ST3GAL3: variants seen among roughly 807,000 people sequenced by gnomAD.
ST3GAL3 encodes CMP-N-acetylneuraminate-beta-1,4-galactoside alpha-2,3-sialyltransferase.
A neutral mutation model predicts 50.1 loss-of-function variants in ST3GAL3; 21 were observed. The ratio of observed to expected loss-of-function variants is 0.42; its 90% CI spans 0.30 to 0.60. The LOEUF (loss-of-function observed/expected upper bound fraction) is 0.60. Among genes scored for constraint, ST3GAL3 ranks in the 20% least tolerant of loss-of-function variants. ST3GAL3 has a pLI of 0.19. For synonymous variants in ST3GAL3, 183 were observed against 190.0 expected, an observed-to-expected ratio of 0.96 and a Z score of 0.30; for missense variants, 353 against 489.4, an observed-to-expected ratio of 0.72 and a Z score of 2.63.
intron 9 of ST3GAL3, among the ~76,000 whole-genome samples, chr1:43,900,199 G>C (rs1440018387): frequency 6.6e-6 from 1 of 152,178 alleles, no homozygotes; most frequent in African/African-American, 2.4e-5. Context: ...CTCTTTCTCA[G>C]CCTGGGTTCT....
intron 9 of ST3GAL3, among the ~76,000 whole-genome samples, chr1:43,906,548 T>A (rs1354547098): frequency 7.0e-6 from 1 of 143,470 alleles, no homozygotes; most frequent in Non-Finnish European, 1.5e-5. Context: ...CTCTTCCTCC[T>A]GTTCCTCTTC....
At chr1:43,826,760 T>A (rs2062857112) in intron 4 of ST3GAL3, among the ~76,000 whole-genome samples, 1 of 152,220 alleles carries the variant, frequency 6.6e-6, no homozygotes, top group African/African-American at 2.4e-5. Context: ...CAAGTGGGAT[T>A]TATTCCAGGT....
intron 1 of ST3GAL3, among the ~76,000 whole-genome samples, chr1:43,720,234 G>C (rs546854071): frequency 2.0e-5 from 3 of 151,952 alleles, no homozygotes; most frequent in East Asian, 1.9e-4. Context: ...GTCTCTTAAA[G>C]AAAAAAAGAA....
chr1:43,723,875 G>A (rs1359815925), intron 1 of ST3GAL3, among the ~76,000 whole-genome samples: 1 of 152,086 alleles, frequency 6.6e-6, no homozygotes, highest in African/African-American at 2.4e-5. Context: ...GCCTCCCAAA[G>A]TGCTGGGATT....
chr1:43,761,215 G>C (rs879378516), intron 2 of ST3GAL3, among the ~76,000 whole-genome samples: 3 of 152,076 alleles, frequency 2.0e-5, no homozygotes, highest in Non-Finnish European at 4.4e-5. Flanking sequence ...GGGAATTCTT[G>C]TAAGATTTAA....
chr1:43,743,515 GT>G lies in ST3GAL3; in HGVS notation c.118+7136del, dbSNP rs1251006465. On this transcript the variant is annotated intron_variant, in intron 2 of 11. Transcript: ENST00000347631. ...GAAGGTGGTGGGGCAGATTGGTTCT[GT>G]GGTGCAGTTTAAGATTAAGAGGGAT... is the stretch of plus-strand genomic sequence containing the variant. 5 of 432,600 alleles carry G rather than the reference GT, an allele frequency of 1.2e-5. No homozygotes were observed. In the East Asian group the frequency reaches 3.7e-4, roughly 32 times the overall value. 26.8% of individuals were successfully genotyped at this position (432,600 alleles called of 1,614,324 possible). A position where few individuals can be genotyped will look rare whatever the true frequency, so the allele number is the denominator to read the frequency against.
chr1:43,871,098 A>G (rs1464570956), intron 5 of ST3GAL3, among the ~76,000 whole-genome samples: 8 of 152,174 alleles, frequency 5.3e-5, no homozygotes, highest in Non-Finnish European at 1.2e-4. Flanking sequence ...TGGGGCAGTG[A>G]CAGGACTCAG....
intron 5 of ST3GAL3, among the ~76,000 whole-genome samples, chr1:43,887,112 G>T (rs1010426533): frequency 2.6e-5 from 4 of 152,132 alleles, no homozygotes; most frequent in African/African-American, 9.7e-5. Flanking sequence ...AAAGAGAGTT[G>T]GAAAAGGATA....
At chr1:43,787,626 C>T (rs547556556) in intron 2 of ST3GAL3, among the ~76,000 whole-genome samples, 1 of 152,214 alleles carries the variant, frequency 6.6e-6, no homozygotes, top group Admixed American at 6.5e-5. Context: ...AAGAGCATTC[C>T]GCTACCATTG....
At chr1:43,913,250 A>T (rs1378270277) in intron 9 of ST3GAL3, 3 of 152,160 alleles carry the variant, frequency 2.0e-5, no homozygotes, top group Admixed American at 6.5e-5. Flanking sequence ...CCTCTGTGAC[A>T]CTCACTATAA....
intron 4 of ST3GAL3, chr1:43,824,945 G>C (rs761460436): frequency 8.4e-6 from 6 of 717,978 alleles, no homozygotes; most frequent in Non-Finnish European, 1.6e-5. Context: ...AAAAGATTCT[G>C]TTTCCTGTCT....
intron 3 of ST3GAL3, among the ~76,000 whole-genome samples, chr1:43,812,392 G>A (rs2060666152): frequency 6.6e-6 from 1 of 152,172 alleles, no homozygotes; most frequent in Non-Finnish European, 1.5e-5. Context: ...AGCCAAGGGC[G>A]AGCTGTCATT....
intron 4 of ST3GAL3, among the ~76,000 whole-genome samples, chr1:43,817,731 C>CA (rs2061541564): frequency 1.1e-5 from 1 of 92,622 alleles, no homozygotes; most frequent in Non-Finnish European, 2.4e-5. Context: ...TTCTCCTCCT[C>CA]CCCCTCCTCC....
intron 5 of ST3GAL3, among the ~76,000 whole-genome samples, chr1:43,864,615 A>C (rs1428036101): frequency 2.0e-5 from 3 of 152,194 alleles, no homozygotes; most frequent in African/African-American, 7.2e-5. Flanking sequence ...CAAAGCAGGG[A>C]GGGAAGGACA....
At chr1:43,925,766 A>T (rs11210936) in intron 11 of ST3GAL3, among the ~76,000 whole-genome samples, 91,203 of 152,120 alleles carry the variant, frequency 0.6, 31,713 homozygotes, top group Non-Finnish European at 0.78. Flanking sequence ...AAGGGAATCC[A>T]TAAAGGAGAC....
At chr1:43,926,317 G>A (rs560631277) in intron 11 of ST3GAL3, among the ~76,000 whole-genome samples, 148 of 152,284 alleles carry the variant, frequency 9.7e-4, no homozygotes, top group South Asian at 2.1e-4. Flanking sequence ...GGCCGGGCGC[G>A]GTCCCTCACG....
chr1:43,920,546 G>A lies in ST3GAL3; in HGVS notation c.887G>A (p.Arg296Gln), dbSNP rs137939894. The A allele has an allele frequency of 8.1e-6, 13 of 1,613,854 alleles. No individual in the cohort carries two copies. Among genetic ancestry groups the A allele is most frequent in the African/African-American group, 4.0e-5 (3 of 74,912 alleles). ...CCCTTCAACAATGGCCTCATGGGCCGGGGGGTGAGATATCTGGGCCCTGGG... is the reference window on the plus strand; with the variant it reads ...CCCTTCAACAATGGCCTCATGGGCCAGGGGGTGAGATATCTGGGCCCTGGG... ...GLPFNNGLMGRGNIPTLGSVA... is the reference protein window; with the variant it reads ...GLPFNNGLMGQGNIPTLGSVA... Residue 296 changes from arginine to glutamine, a missense_variant, in exon 10 of 12, where the codon CGG becomes CAG. Arg to Gln is a conservative substitution (Grantham distance 43, BLOSUM62 1). Transcript: ENST00000347631.
chr1:43,824,857 C>A, intron 4 of ST3GAL3: 2 of 1,010,964 alleles, frequency 2.0e-6, no homozygotes, highest in Non-Finnish European at 3.1e-6. Flanking sequence ...TGAGCGAGGA[C>A]ACAGCCTTTG....
intron 4 of ST3GAL3, among the ~76,000 whole-genome samples, chr1:43,825,197 T>C (rs2062627019): frequency 6.6e-6 from 1 of 152,204 alleles, no homozygotes; most frequent in Non-Finnish European, 1.5e-5. Flanking sequence ...CTGAATATAA[T>C]ATAACAACTA....
Sources: allele counts gnomAD v4.1 joint callset (sites outside exome capture counted in the v4.1 genomes callset), GRCh38; gene constraint gnomAD v4.1.1; transcripts MANE v1.5; gene names NCBI Gene and HGNC (gene_info 2026-07-23, HGNC 2026-07-21).